Variants in ZNF385D observed in about 807,000 individuals in gnomAD.
The protein encoded by ZNF385D is zinc finger protein 385D, also known as zinc finger protein 659.
A neutral mutation model predicts 35.8 loss-of-function variants in ZNF385D; 15 were observed. The observed-to-expected ratio is 0.42, with a 90% confidence interval of 0.28 to 0.64. The LOEUF (loss-of-function observed/expected upper bound fraction) is 0.64. Ranked by LOEUF, ZNF385D falls within the 30% of genes least tolerant of loss-of-function variation. ZNF385D has a pLI of 0.23. For missense variants in ZNF385D, 474 were observed against 494.6 expected (o/e 0.96, Z 0.39); for synonymous variants, 212 against 186.8 (o/e 1.13, Z -1.10).
At chr3:22,063,304 C>G (rs938801108) in intron 3 of ZNF385D, among the ~76,000 whole-genome samples, 2 of 152,072 alleles carry the variant, frequency 1.3e-5, no homozygotes, top group African/African-American at 4.8e-5. Context: ...TGGTTTACTT[C>G]CTTTTTCATC....
At chr3:21,707,676 C>T (rs1575501829) in intron 1 of ZNF385D, among the ~76,000 whole-genome samples, 2 of 152,270 alleles carry the variant, frequency 1.3e-5, no homozygotes, top group East Asian at 3.9e-4. Context: ...TTGGAAAGGG[C>T]ATGGTCAATT....
At chr3:22,241,707 T>C (rs1435578460) in intron 2 of ZNF385D, among the ~76,000 whole-genome samples, 1 of 150,936 alleles carries the variant, frequency 6.6e-6, no homozygotes, top group Non-Finnish European at 1.5e-5. Flanking sequence ...GCTTGAATGC[T>C]TCCATATTGT....
At chr3:21,477,854 T>A (rs1575010030) in intron 4 of ZNF385D, among the ~76,000 whole-genome samples, 2 of 152,284 alleles carry the variant, frequency 1.3e-5, no homozygotes, top group Middle Eastern at 3.4e-3. Context: ...TAAACATATA[T>A]GGATAGCCAC....
At chr3:21,618,584 TC>T (rs1376569366) in intron 2 of ZNF385D, among the ~76,000 whole-genome samples, 2 of 152,162 alleles carry the variant, frequency 1.3e-5, no homozygotes, top group Non-Finnish European at 2.9e-5. Context: ...TATCTGTATA[TC>T]CCAGTCATTA....
intron 3 of ZNF385D, among the ~76,000 whole-genome samples, chr3:22,103,652 T>G (rs1222299208): frequency 1.3e-5 from 2 of 152,078 alleles, no homozygotes; most frequent in Non-Finnish European, 2.9e-5. Context: ...TGCAACTCAA[T>G]GACCCACATT....
chr3:21,585,648 G>T (rs774355710), intron 2 of ZNF385D, among the ~76,000 whole-genome samples: 1 of 152,154 alleles, frequency 6.6e-6, no homozygotes, highest in Non-Finnish European at 1.5e-5. Flanking sequence ...AAAACAAATC[G>T]TGGATCAAGT....
chr3:21,682,213 T>TC (rs1553636599), intron 1 of ZNF385D, among the ~76,000 whole-genome samples: 15 of 151,232 alleles, frequency 9.9e-5, no homozygotes, highest in African/African-American at 3.4e-4. Flanking sequence ...TTGTTTTTAG[T>TC]TTAGCTTTGT....
chr3:21,741,577 G>C (rs973476708), intron 1 of ZNF385D, among the ~76,000 whole-genome samples: 1 of 151,906 alleles, frequency 6.6e-6, no homozygotes, highest in African/African-American at 2.4e-5. Flanking sequence ...TTTACAAGCA[G>C]ACCTTGGGAG....
intron 3 of ZNF385D, among the ~76,000 whole-genome samples, chr3:21,520,786 A>G (rs1049295906): frequency 6.6e-6 from 1 of 152,236 alleles, no homozygotes; most frequent in Admixed American, 6.5e-5. Context: ...GTTATCTAAA[A>G]GACAAAATTC....
intron 3 of ZNF385D, among the ~76,000 whole-genome samples, chr3:22,083,131 G>A (rs1700843733): frequency 6.6e-6 from 1 of 152,156 alleles, no homozygotes; most frequent in Admixed American, 6.5e-5. Context: ...AGAAACCAGA[G>A]CAGAAAATCT....
At chr3:22,372,215 C>T (rs1696942669) in intron 2 of ZNF385D, among the ~76,000 whole-genome samples, 1 of 152,154 alleles carries the variant, frequency 6.6e-6, no homozygotes, top group East Asian at 1.9e-4. Context: ...GCCCCGCAAC[C>T]TCACATCTCT....
chr3:21,645,619 A>G (rs2065727047), intron 2 of ZNF385D, among the ~76,000 whole-genome samples: 1 of 152,030 alleles, frequency 6.6e-6, no homozygotes, highest in Non-Finnish European at 1.5e-5. Flanking sequence ...TTTTTTTGTG[A>G]GCTCTGAGTT....
intron 3 of ZNF385D, among the ~76,000 whole-genome samples, chr3:22,080,359 G>T (rs939917471): frequency 6.6e-6 from 1 of 152,166 alleles, no homozygotes; most frequent in Admixed American, 6.6e-5. Context: ...AAACTCACAT[G>T]CTGAGAACAC....
intron 3 of ZNF385D, among the ~76,000 whole-genome samples, chr3:22,102,841 CT>C (rs1189784441): frequency 1.3e-5 from 2 of 148,982 alleles, no homozygotes; most frequent in African/African-American, 2.5e-5. Context: ...GCATTGGGGC[CT>C]TTTTTTATTT....
intron 3 of ZNF385D, among the ~76,000 whole-genome samples, chr3:21,835,941 T>C (rs1695300677): frequency 6.6e-6 from 1 of 151,918 alleles, no homozygotes; most frequent in African/African-American, 2.4e-5. Flanking sequence ...TGAAGTGCCT[T>C]AATAAGAACA....
At chr3:22,164,292 T>A (rs949711313) in intron 3 of ZNF385D, among the ~76,000 whole-genome samples, 3 of 146,566 alleles carry the variant, frequency 2.0e-5, no homozygotes, top group African/African-American at 7.5e-5. Flanking sequence ...ACAATGGTGC[T>A]ATCTCGGCTC....
intron 3 of ZNF385D, among the ~76,000 whole-genome samples, chr3:22,045,629 T>G (rs572050233): frequency 6.6e-6 from 1 of 152,204 alleles, no homozygotes; most frequent in African/African-American, 2.4e-5. Context: ...GGTTTTACTC[T>G]CATTTCTAGT....
intron 3 of ZNF385D, among the ~76,000 whole-genome samples, chr3:21,949,657 T>G (rs557995465): frequency 5.5e-4 from 82 of 149,840 alleles, no homozygotes; most frequent in Non-Finnish European, 9.9e-4. Flanking sequence ...GCTGCACCCA[T>G]CAACCCATCA....
chr3:21,840,460 C>G (rs1276129803), intron 3 of ZNF385D, among the ~76,000 whole-genome samples: 4 of 152,032 alleles, frequency 2.6e-5, no homozygotes, highest in African/African-American at 9.7e-5. Flanking sequence ...TGCACTCCTT[C>G]CTTTTGTCTA....
Sources: allele counts gnomAD v4.1 joint callset (sites outside exome capture counted in the v4.1 genomes callset), GRCh38; gene constraint gnomAD v4.1.1; transcripts MANE v1.5; gene names NCBI Gene and HGNC (gene_info 2026-07-23, HGNC 2026-07-21).